PLD1: variants seen among roughly 807,000 people sequenced by gnomAD.
The protein encoded by PLD1 is choline phosphatase 1.
PLD1 carries 112 observed loss-of-function variants against 137.1 expected under a neutral mutation model. That is an observed-to-expected ratio of 0.82 (90% CI 0.70 to 0.96). PLD1 has a LOEUF of 0.96. PLD1 is among the 40% of genes least tolerant of loss of function. PLD1 has a pLI of 0.00. For synonymous variants in PLD1, 431 were observed against 454.7 expected (o/e 0.95, Z 0.66); for missense variants, 1,321 against 1,342.0 (o/e 0.98, Z 0.24).
chr3:171,775,707 G>C (rs973894941), intron 1 of PLD1, among the ~76,000 whole-genome samples: 1 of 152,114 alleles, frequency 6.6e-6, no homozygotes, highest in African/African-American at 2.4e-5. Flanking sequence ...GCCGGGCGTG[G>C]TGGCACACAT....
rs928181857 is a variant in PLD1, at chr3:171,602,349, T to C, written c.*729A>G. 1 of 152,314 alleles carries C rather than the reference T, an allele frequency of 6.6e-6. No individual in the cohort carries two copies. Among genetic ancestry groups the C allele is most frequent in the African/African-American group, 2.4e-5 (1 of 41,464 alleles). 9.4% of individuals were successfully genotyped at this position (152,314 alleles called of 1,614,324 possible). On this transcript the variant is annotated 3_prime_UTR_variant, in exon 27 of 27. Coordinates refer to ENST00000351298, the MANE Select transcript of PLD1 (RefSeq NM_002662.5). ...GTGGGCCTAATCACAAGGACTCATG[T>C]TGTCAGTGCCTTTGGGAGCAAAATG...
At chr3:171,671,857 A>G (rs1014132876) in intron 19 of PLD1, among the ~76,000 whole-genome samples, 4 of 152,040 alleles carry the variant, frequency 2.6e-5, no homozygotes, top group African/African-American at 9.7e-5. Flanking sequence ...TCTCTCCTCC[A>G]TTAATCTTCA....
intron 19 of PLD1, among the ~76,000 whole-genome samples, chr3:171,672,806 A>G (rs1363992069): frequency 6.6e-6 from 1 of 152,160 alleles, no homozygotes; most frequent in African/African-American, 2.4e-5. Context: ...CTCACACAAC[A>G]TCAGTGATGC....
chr3:171,770,888 CAAAA>C (rs34683994), intron 1 of PLD1, among the ~76,000 whole-genome samples: 1 of 40,880 alleles, frequency 2.4e-5, no homozygotes, highest in African/African-American at 8.0e-5. Context: ...AACCCTATCT[CAAAA>C]AAAAAAAAAA....
chr3:171,619,520 A>G (rs1414522114), intron 24 of PLD1, among the ~76,000 whole-genome samples: 2 of 152,196 alleles, frequency 1.3e-5, no homozygotes, highest in East Asian at 1.9e-4. Flanking sequence ...CACTTCATCC[A>G]TACACATCAA....
chr3:171,806,140 G>T (rs926949067), intron 1 of PLD1, among the ~76,000 whole-genome samples: 1 of 152,184 alleles, frequency 6.6e-6, no homozygotes, highest in African/African-American at 2.4e-5. Flanking sequence ...TGAGTGCAAG[G>T]CACAAAGTAA....
At chr3:171,772,023 A>C (rs764414009) in intron 1 of PLD1, among the ~76,000 whole-genome samples, 10 of 152,238 alleles carry the variant, frequency 6.6e-5, no homozygotes, top group Middle Eastern at 6.3e-3. Context: ...GGAACTTAAT[A>C]CCACTCACTA....
chr3:171,765,358 CCAACAA>C (rs1188160840), intron 1 of PLD1: 3 of 152,088 alleles, frequency 2.0e-5, no homozygotes, highest in Admixed American at 2.0e-4. Context: ...ACAAAATGTT[CCAACAA>C]CAATGATGAG....
intron 19 of PLD1, among the ~76,000 whole-genome samples, chr3:171,673,808 T>C (rs1713047512): frequency 6.6e-6 from 1 of 152,174 alleles, no homozygotes; most frequent in Non-Finnish European, 1.5e-5. Flanking sequence ...ATGCCCATAT[T>C]GATGACTTCA....
intron 23 of PLD1, among the ~76,000 whole-genome samples, chr3:171,628,494 C>T (rs1310854766): frequency 6.6e-6 from 1 of 151,894 alleles, no homozygotes; most frequent in African/African-American, 2.4e-5. Flanking sequence ...AGAGGGAATC[C>T]TCCCTAACTC....
At chr3:171,670,629 AGAGT>A (rs922222527) in intron 19 of PLD1, among the ~76,000 whole-genome samples, 2 of 152,238 alleles carry the variant, frequency 1.3e-5, no homozygotes, top group African/African-American at 4.8e-5. Context: ...TTGGAATTTA[AGAGT>A]TCATCAGTGA....
At chr3:171,702,175 G>C (rs1159921098) in intron 11 of PLD1, among the ~76,000 whole-genome samples, 3 of 152,010 alleles carry the variant, frequency 2.0e-5, no homozygotes, top group Admixed American at 2.0e-4. Flanking sequence ...TGAACTTCTA[G>C]CAAGGCTAAA....
chr3:171,785,827 T>C (rs1722992480), intron 1 of PLD1, among the ~76,000 whole-genome samples: 1 of 152,250 alleles, frequency 6.6e-6, no homozygotes, highest in South Asian at 2.1e-4. Flanking sequence ...GGGGACAATA[T>C]ACTGGACAGT....
Position 171,733,487 on chromosome 3 carries a change from G to T in PLD1, c.563C>A (p.Thr188Lys), listed in dbSNP as rs1719104062. Reference protein sequence around the residue: ...GRRKQLEDYLTKILKMPMYRN... With the variant: ...GRRKQLEDYLKKILKMPMYRN... Reference sequence around the variant, plus strand: ...ATACATGGGCATTTTTAGTATCTTTGTCAAGTAATCTTCCAGTTGTTTCTG... The same window carrying T: ...ATACATGGGCATTTTTAGTATCTTTTTCAAGTAATCTTCCAGTTGTTTCTG... Residue 188 changes from threonine to lysine, a missense_variant, in exon 6 of 27, where the codon ACA (threonine) becomes AAA (lysine). Coordinates refer to ENST00000351298, the MANE Select transcript of PLD1 (RefSeq NM_002662.5). 1 of 1,318,738 alleles carries T rather than the reference G, an allele frequency of 7.6e-7. No individual in the cohort carries two copies. Among genetic ancestry groups the T allele is most frequent in the Non-Finnish European group, 1.1e-6 (1 of 915,510 alleles). The allele number at this position is 1,318,738 out of a possible 1,614,324, so 81.7% of individuals were successfully genotyped here.
intron 11 of PLD1, among the ~76,000 whole-genome samples, chr3:171,700,153 T>C (rs558928892): frequency 1.2e-4 from 18 of 152,008 alleles, no homozygotes; most frequent in African/African-American, 4.3e-4. Context: ...TTCCCTGCTC[T>C]CAGAGCCTCT....
intron 23 of PLD1, among the ~76,000 whole-genome samples, chr3:171,634,931 C>T (rs1423865174): frequency 6.6e-6 from 1 of 151,918 alleles, no homozygotes; most frequent in Non-Finnish European, 1.5e-5. Context: ...AACAGTTACA[C>T]CCCATTCCAC....
chr3:171,629,211 A>T (rs1341747693), intron 23 of PLD1, among the ~76,000 whole-genome samples: 16 of 152,138 alleles, frequency 1.1e-4, no homozygotes, highest in Non-Finnish European at 2.2e-4. Context: ...ATTCTTATAC[A>T]CCAATAACAG....
intron 16 of PLD1, among the ~76,000 whole-genome samples, chr3:171,680,245 T>A (rs1368059081): frequency 1.6e-5 from 2 of 123,796 alleles, no homozygotes; most frequent in Admixed American, 7.4e-5. Context: ...TCTTCCTCTT[T>A]TTTTTTTTTT....
chr3:171,678,756 G>A (rs1713651561), intron 16 of PLD1, among the ~76,000 whole-genome samples: 1 of 152,198 alleles, frequency 6.6e-6, no homozygotes, highest in African/African-American at 2.4e-5. Flanking sequence ...TAAGGGCTTA[G>A]TGTGCATAGA....
Sources: gnomAD v4.1 joint callset for allele counts (sites outside exome capture counted in the v4.1 genomes callset) on GRCh38, gnomAD v4.1.1 for gene constraint, MANE v1.5 for transcripts, NCBI Gene and HGNC (gene_info 2026-07-23, HGNC 2026-07-21) for gene names.